Variants in CEP250 observed in about 807,000 individuals in gnomAD.
CEP250 encodes the protein centrosomal protein 250, also known as centrosome-associated protein CEP250.
CEP250 carries 242 observed loss-of-function variants against 315.7 expected under a neutral mutation model. The ratio of observed to expected loss-of-function variants is 0.77; its 90% confidence interval spans 0.69 to 0.85. The LOEUF (loss-of-function observed/expected upper bound fraction) is 0.85. CEP250 is among the 40% of genes least tolerant of loss of function. The pLI, the probability that CEP250 is intolerant of heterozygous loss-of-function variation, is 0.00. For missense variants in CEP250, 2,515 were observed against 2,886.4 expected (o/e 0.87, Z 2.95); for synonymous variants, 1,088 against 1,175.0 (o/e 0.93, Z 1.51).
Position 35,496,627 on chromosome 20 carries a change from A to C in CEP250, c.3218A>C (p.Glu1073Ala). 6.2e-7 allele frequency: 1 copy of C among 1,614,170 alleles called. No individual in the cohort carries two copies. Among genetic ancestry groups the C allele is most frequent in the Non-Finnish European group, 8.5e-7 (1 of 1,180,024 alleles). The change falls in exon 25 of 35, where the codon GAA becomes GCA. Residue 1073 changes from glutamate to alanine, a missense_variant. Physicochemically the swap from Glu to Ala is moderately radical, Grantham distance 107. Transcript: ENST00000397527. ...EKEQRLLVLQ[E>A]ADSIRQQELS... ...GAACAGAGACTCCTTGTTTTACAAG[A>C]AGCTGACTCTATTCGACAACAAGAG... is the stretch of plus-strand genomic sequence containing the variant.
chr20:35,461,783 A>T (rs2062761644), intron 3 of CEP250, among the ~76,000 whole-genome samples: 1 of 152,242 alleles, frequency 6.6e-6, no homozygotes, highest in Non-Finnish European at 1.5e-5. Flanking sequence ...AAAATGACGT[A>T]ATGCATGTAA....
intron 18 of CEP250, 78 bp from the exon 19 acceptor site, chr20:35,479,568 A>C: frequency 6.3e-7 from 1 of 1,578,008 alleles, no homozygotes; most frequent in Non-Finnish European, 8.6e-7. Flanking sequence ...GGTAGCCAAT[A>C]CTTAGAACCC....
chr20:35,493,574 T>C lies in CEP250; in HGVS notation c.3033+2T>C. On this transcript the variant is annotated splice_donor_variant, in intron 23 of 34. Transcript: ENST00000397527. LOFTEE classifies it high-confidence loss of function. ...GATAAGATGGACCTGCAGAAGCAGG[T>C]CCCCTCCTCCTCCCCACCAAGTCCC... is the stretch of plus-strand genomic sequence containing the variant. The C allele has an allele frequency of 2.0e-6, 3 of 1,527,294 alleles. No homozygotes were observed. Among genetic ancestry groups the C allele is most frequent in the Non-Finnish European group, 1.8e-6 (2 of 1,140,024 alleles). 94.6% of individuals were successfully genotyped at this position (1,527,294 alleles called of 1,614,324 possible).
In CEP250 at chr20:35,517,022, G is replaced by A; in HGVS notation, c.*5396G>A. On this transcript the variant is annotated 3_prime_UTR_variant, in exon 35 of 35. Coordinates refer to ENST00000397527, the MANE Select transcript of CEP250 (RefSeq NM_007186.6). ...AAGTGGCATGCTGACTCAGACACCG[G>A]GCACTGAGAAAAGTGGGAAGCCATG... The A allele has an allele frequency of 1.0e-6, 1 of 985,538 alleles. No individual in the cohort carries two copies. The highest frequency in any genetic ancestry group is 1.2e-6 in the Non-Finnish European group (1 of 830,020). The allele number at this position is 985,538 out of a possible 1,614,324, so 61.0% of individuals were successfully genotyped here.
rs764589550 is a variant in CEP250 at position 35,507,868 on chromosome 20, G to A, written c.6750+17G>A. 1.8e-5 allele frequency: 29 copies of A among 1,608,540 alleles called. No homozygotes were observed. The Admixed American group carries it at 3.7e-4, about 21-fold the overall frequency. ...CTGGGAGAGGTGAGCTGGGGGCTCT[G>A]GGGGAACAGGTGACCCAGCAGGGAG... is the stretch of plus-strand genomic sequence containing the variant. On this transcript the variant is annotated intron_variant, in intron 31 of 34. Coordinates refer to ENST00000397527, the MANE Select transcript of CEP250 (RefSeq NM_007186.6).
chr20:35,456,531 GC>G (rs1357461093), intron 1 of CEP250, among the ~76,000 whole-genome samples: 12 of 152,170 alleles, frequency 7.9e-5, no homozygotes. Flanking sequence ...CTACTGGTAC[GC>G]CCTCTGTTCC....
chr20:35,475,454 T>C, intron 14 of CEP250, 48 bp from the exon 15 acceptor site: 1 of 1,597,618 alleles, frequency 6.3e-7, no homozygotes, highest in Non-Finnish European at 8.6e-7. Context: ...TTTGGGGTTA[T>C]GGCCCATCCC....
At chr20:35,461,386 C>A (rs1196236507) in intron 3 of CEP250, among the ~76,000 whole-genome samples, 1 of 131,820 alleles carries the variant, frequency 7.6e-6, no homozygotes, top group African/African-American at 3.5e-5. Flanking sequence ...CTTGGACTAA[C>A]ACCCAGAACT....
chr20:35,507,029 C>T (rs898659430), intron 30 of CEP250, among the ~76,000 whole-genome samples: 1 of 152,164 alleles, frequency 6.6e-6, no homozygotes, highest in Non-Finnish European at 1.5e-5. Flanking sequence ...GGGTGAGACT[C>T]TTGTCTCAAA....
intron 16 of CEP250, 61 bp downstream of exon 16, chr20:35,476,656 A>G: frequency 7.0e-7 from 1 of 1,433,542 alleles, no homozygotes; most frequent in Non-Finnish European, 9.8e-7. Context: ...AGCAAGACGG[A>G]TCAGCTCCCA....
At chr20:35,455,309 T>G (rs903678484), upstream of CEP250, 30 of 152,230 alleles carry the variant, frequency 2.0e-4, no homozygotes, top group Non-Finnish European at 4.0e-4. Flanking sequence ...CCCGCCCGTC[T>G]AGGGCGCCTG....
Position 35,503,373 on chromosome 20 carries a change from G to C in CEP250, c.5004G>C (p.Gln1668His), listed in dbSNP as rs1401039688. The C allele has an allele frequency of 1.2e-6, 2 of 1,614,166 alleles. No individual in the cohort carries two copies. Among genetic ancestry groups the C allele is most frequent in the East Asian group, 2.2e-5 (1 of 44,890 alleles). Residue 1668 changes from glutamine (Q) to histidine (H), a missense_variant, in exon 30 of 35, where the codon CAG becomes CAC. Physicochemically the swap from Gln to His is conservative, Grantham distance 24. Transcript: ENST00000397527. The surrounding 1 kb of genome is among the most constrained non-coding windows in gnomAD (Gnocchi z 4.2). ...QELMLQKERI[Q>H]VLEDQRTRQT... is the part of the protein sequence containing the mutation. ...TGATGCTGCAGAAGGAGAGGATTCA[G>C]GTTCTCGAGGATCAGAGGACCCGGC... is the stretch of plus-strand genomic sequence containing the variant.
rs758279493 is a variant in CEP250, at chr20:35,462,572, T to C, written c.186+19T>C. ...GGCCAAGGTGAGGCAGCTGCCCTTT[T>C]GGGGAGGGGAAAGAGAACAACCCCC... On this transcript the variant is annotated intron_variant, in intron 4 of 34. Coordinates refer to ENST00000397527, the MANE Select transcript of CEP250 (RefSeq NM_007186.6). The C allele has an allele frequency of 6.4e-7, 1 of 1,573,402 alleles. No individual in the cohort carries two copies. Among genetic ancestry groups the C allele is most frequent in the African/African-American group, 1.4e-5 (1 of 74,030 alleles).
At chr20:35,494,458 G>A in intron 23 of CEP250, 66 bp from the exon 24 acceptor site, 2 of 1,602,290 alleles carry the variant, frequency 1.2e-6, no homozygotes, top group South Asian at 2.2e-5. Flanking sequence ...GAAGCCCTAG[G>A]TGAGGAGCAT....
chr20:35,461,652 G>T (rs926888044), intron 3 of CEP250, among the ~76,000 whole-genome samples: 5 of 152,194 alleles, frequency 3.3e-5, no homozygotes, highest in African/African-American at 4.8e-5. Flanking sequence ...GTGTGGCCTG[G>T]CACAAGTTTT....
chr20:35,510,104 C>G, intron 34 of CEP250, 50 bp downstream of exon 34: 1 of 1,527,354 alleles, frequency 6.5e-7, no homozygotes, highest in Non-Finnish European at 9.1e-7. Context: ...CACTCAGGCC[C>G]TTTGTGCACC....
chr20:35,503,521 A>G lies in CEP250; in HGVS notation c.5152A>G (p.Lys1718Glu), dbSNP rs2064082273. ...GGCAGAGGAAGGGAAGGGCCCAAGT[A>G]AAGCACAGCGCGGGAGCCTAGAGCA... ...ERAEEGKGPSKAQRGSLEHMK... is the reference protein window; with the variant it reads ...ERAEEGKGPSEAQRGSLEHMK... The change falls in exon 30 of 35, where the codon AAA (lysine) becomes GAA (glutamate). Residue 1718 changes from lysine to glutamate, a missense_variant. Coordinates refer to ENST00000397527, the MANE Select transcript of CEP250 (RefSeq NM_007186.6). This position sits in a 1 kb window ranked among gnomAD's most constrained non-coding sequence, Gnocchi z 4.2. 1 of 1,614,156 alleles carries G rather than the reference A, an allele frequency of 6.2e-7. No homozygotes were observed.
intron 24 of CEP250, 145 bp from the exon 25 acceptor site, chr20:35,496,432 A>G (rs1568817908): frequency 2.7e-6 from 2 of 746,134 alleles, no homozygotes; most frequent in African/African-American, 1.8e-5. Context: ...TGCTCAATAA[A>G]TGATAGCTTT....
Position 35,479,375 on chromosome 20 carries a change from G to A in CEP250, c.2239G>A (p.Ala747Thr), listed in dbSNP as rs1280460735. ...AGCGGCTCTAGAGGTGCGGCTGCAG[G>A]CCGTGGAGCGTGACCGGCAGGACCT... Reference protein sequence around the residue: ...EKAALEVRLQAVERDRQDLAE... With the variant: ...EKAALEVRLQTVERDRQDLAE... Residue 747 changes from alanine (A) to threonine (T), a missense_variant, in exon 18 of 35, where the codon GCC (alanine) becomes ACC (threonine). Coordinates refer to ENST00000397527, the MANE Select transcript of CEP250 (RefSeq NM_007186.6). The A allele has an allele frequency of 5.6e-6, 9 of 1,614,194 alleles. No homozygotes were observed. Among genetic ancestry groups the A allele is most frequent in the Non-Finnish European group, 7.6e-6 (9 of 1,180,038 alleles).
Sources: gnomAD v4.1 joint callset for allele counts (sites outside exome capture counted in the v4.1 genomes callset) on GRCh38, gnomAD v4.1.1 for gene constraint, Gnocchi (gnomAD v3.1) non-coding constraint, MANE v1.5 for transcripts, NCBI Gene and HGNC (gene_info 2026-07-23, HGNC 2026-07-21) for gene names.